DDX11: variants seen among roughly 807,000 people sequenced by gnomAD.
DDX11 encodes the protein DEAD/H-box helicase 11, also known as ATP-dependent DNA helicase DDX11.
A neutral mutation model predicts 125.2 loss-of-function variants in DDX11; 72 were observed. The observed-to-expected ratio is 0.58, with a 90% CI of 0.48 to 0.70. The LOEUF is 0.70. Ranked by LOEUF, DDX11 falls within the 30% of genes least tolerant of loss-of-function variation. The pLI is 0.00. For missense variants in DDX11, 883 were observed against 1,165.0 expected (o/e 0.76, Z 3.52); for synonymous variants, 347 against 452.6 (o/e 0.77, Z 2.96).
At chr12:31,101,172 G>A (rs767463451) in intron 20 of DDX11, 42 bp downstream of exon 20, 1 of 1,580,672 alleles carries the variant, frequency 6.3e-7, no homozygotes, top group South Asian at 1.1e-5. Context: ...CTGGCCTCAG[G>A]CAGCAAAGGG....
chr12:31,092,271 T>C (rs1228547837), intron 10 of DDX11, among the ~76,000 whole-genome samples: 1 of 152,050 alleles, frequency 6.6e-6, no homozygotes, highest in Non-Finnish European at 1.5e-5. Context: ...TGCCCTATCA[T>C]GCGCCATGCA....
rs779448518 is a variant in DDX11 at position 31,089,267 on chromosome 12, G to A, written c.792+116G>A. 3 of 1,351,858 alleles carry A rather than the reference G, an allele frequency of 2.2e-6. No homozygotes were observed. In the East Asian group the frequency reaches 7.1e-5, roughly 32 times the overall value. 83.7% of individuals were successfully genotyped at this position (1,351,858 alleles called of 1,614,324 possible). A position where few individuals can be genotyped will look rare whatever the true frequency, so the allele number is the denominator to read the frequency against. On this transcript the variant is annotated intron_variant, in intron 7 of 26. Coordinates refer to ENST00000542838, the MANE Select transcript of DDX11 (RefSeq NM_030653.4). ...TCTGTGACAGGCTGAACCGTGTGAGGAGCAGCCCCCTCCCTGACCTGGCCG... is the reference window on the plus strand; with the variant it reads ...TCTGTGACAGGCTGAACCGTGTGAGAAGCAGCCCCCTCCCTGACCTGGCCG...
chr12:31,098,301 G>A (rs1945684872), intron 18 of DDX11, among the ~76,000 whole-genome samples: 1 of 152,234 alleles, frequency 6.6e-6, no homozygotes, highest in Non-Finnish European at 1.5e-5. Context: ...ACTTTTAAAA[G>A]GTTCATTTTG....
In DDX11 at chr12:31,089,133, C is replaced by T; in HGVS notation, c.774C>T (p.Val258=). ...CCTTTGGCAAGGATGTTCGGCTGGT[C>T]TCCCTTGGCTCCCGGCAGGTAAACA... ...KSPFGKDVRL[V]SLGSRQNLCV... is the part of the protein sequence containing the mutation. Residue 258 remains valine (V), a synonymous_variant, in exon 7 of 27, where the codon GTC becomes GTT. Coordinates refer to ENST00000542838, the MANE Select transcript of DDX11 (RefSeq NM_030653.4). 1 of 1,613,890 alleles carries T rather than the reference C, an allele frequency of 6.2e-7. No individual in the cohort carries two copies. Among genetic ancestry groups the T allele is most frequent in the Non-Finnish European group, 8.5e-7 (1 of 1,179,784 alleles).
At chr12:31,088,321 T>C (rs1237610287) in intron 6 of DDX11, among the ~76,000 whole-genome samples, 1 of 151,944 alleles carries the variant, frequency 6.6e-6, no homozygotes, top group African/African-American at 2.4e-5. Context: ...AGACCTCTCC[T>C]GGGGGCAGGG....
chr12:31,082,456 C>T (rs902951141), intron 2 of DDX11, among the ~76,000 whole-genome samples: 1 of 151,884 alleles, frequency 6.6e-6, no homozygotes, highest in Non-Finnish European at 1.5e-5. Context: ...AGCTGGAACC[C>T]TGGCACCTGG....
intron 2 of DDX11, among the ~76,000 whole-genome samples, chr12:31,079,630 T>G (rs1252909707): frequency 6.7e-6 from 1 of 149,848 alleles, no homozygotes; most frequent in Non-Finnish European, 1.5e-5. Context: ...TGTAGTAGAG[T>G]CACATGGCGG....
intron 16 of DDX11, 21 bp from the exon 17 acceptor site, chr12:31,096,838 T>G: frequency 6.2e-7 from 1 of 1,614,110 alleles, no homozygotes. Context: ...GGAGGCCTCC[T>G]CCCCGTTCTG....
intron 2 of DDX11, among the ~76,000 whole-genome samples, chr12:31,083,320 A>AAC (rs1565854249): frequency 4.1e-5 from 6 of 147,098 alleles, no homozygotes; most frequent in African/African-American, 1.2e-4. Flanking sequence ...CTTAAAAAAA[A>AAC]AAAAACAAAA....
Position 31,103,736 on chromosome 12 carries a change from G to A in DDX11, c.2691+5G>A, listed in dbSNP as rs761131784. 1 of 1,613,708 alleles carries A rather than the reference G, an allele frequency of 6.2e-7. No individual in the cohort carries two copies. Among genetic ancestry groups the A allele is most frequent in the South Asian group, 1.1e-5 (1 of 91,056 alleles). ...GCCATTGCTGCTGTGCAGAAGGTCA[G>A]TCCTACCTTTTTCTTTCTGAGAGCC... On this transcript the variant is annotated splice_donor_5th_base_variant and intron_variant, in intron 26 of 26. Coordinates refer to ENST00000542838, the MANE Select transcript of DDX11 (RefSeq NM_030653.4).
chr12:31,084,762 C>G, intron 4 of DDX11, 93 bp downstream of exon 4: 1 of 1,253,796 alleles, frequency 8.0e-7, no homozygotes, highest in South Asian at 1.3e-5. Flanking sequence ...TTGGTCTCCC[C>G]TCCGTGACCC....
rs1287526015 is a variant in DDX11, at chr12:31,101,400, C to G, written c.2052+270C>G. ...TGAGGACGCCTCACACAGGAGAAAG[C>G]TGCTAGTTCCCTTTGGCTCTCTTGC... On this transcript the variant is annotated intron_variant, in intron 20 of 26. Coordinates refer to ENST00000542838, the MANE Select transcript of DDX11 (RefSeq NM_030653.4). 36 of 552,716 alleles carry G rather than the reference C, an allele frequency of 6.5e-5. No individual in the cohort carries two copies. In the East Asian group the frequency reaches 9.4e-4, roughly 14 times the overall value. 34.2% of individuals were successfully genotyped at this position (552,716 alleles called of 1,614,324 possible).
At chr12:31,090,163 TC>T in intron 9 of DDX11, 69 bp downstream of exon 9, 1 of 1,442,570 alleles carries the variant, frequency 6.9e-7, no homozygotes, top group South Asian at 1.2e-5. Context: ...AGGGGGGTCC[TC>T]ATCACACTGT....
chr12:31,097,998 G>A lies in DDX11; in HGVS notation c.1875+1G>A, dbSNP rs763625229. On this transcript the variant is annotated splice_donor_variant, in intron 18 of 26. Transcript: ENST00000542838. LOFTEE classifies it high-confidence loss of function. ...CATTGCGGGGGGTACCATGCAGCCG[G>A]TAAGGACACCTTTCCCAGCCCCTCG... 6.2e-7 allele frequency: 1 copy of A among 1,612,774 alleles called. No individual in the cohort carries two copies. Among genetic ancestry groups the A allele is most frequent in the South Asian group, 1.1e-5 (1 of 91,072 alleles).
In DDX11 at chr12:31,103,905, G is replaced by T. The variant is rs563857266; in HGVS notation, c.*69G>T. 6.2e-7 allele frequency: 1 copy of T among 1,613,804 alleles called. No homozygotes were observed. The highest frequency in any genetic ancestry group is 2.2e-5 in the East Asian group (1 of 44,884). ...CTGCCCGCTGGAGACAGTGTTTGTC[G>T]TGGGCGTGGTCTGCGGGGATCCTGT... On this transcript the variant is annotated 3_prime_UTR_variant, in exon 27 of 27. Coordinates refer to ENST00000542838, the MANE Select transcript of DDX11 (RefSeq NM_030653.4).
At position 31,104,281 on chromosome 12, in the gene DDX11, G is replaced by T; in HGVS notation, c.*445G>T. 2 of 589,830 alleles carry T rather than the reference G, an allele frequency of 3.4e-6. No homozygotes were observed. The highest frequency in any genetic ancestry group is 5.6e-6 in the Non-Finnish European group (2 of 357,976). The allele number at this position is 589,830 out of a possible 1,614,324, so 36.5% of individuals were successfully genotyped here. ...AGCTGCCCTGGACTGCTCACTCTCT[G>T]GTCTCAATTTAAAATGATCCATGGC... On this transcript the variant is annotated 3_prime_UTR_variant, in exon 27 of 27. Coordinates refer to ENST00000542838, the MANE Select transcript of DDX11 (RefSeq NM_030653.4).
intron 1 of DDX11, chr12:31,077,144 A>G (rs1049600432): frequency 6.6e-6 from 1 of 151,264 alleles, no homozygotes; most frequent in Non-Finnish European, 1.5e-5. Context: ...ATTTGTGCTT[A>G]GAAGAGACAG....
intron 5 of DDX11, among the ~76,000 whole-genome samples, chr12:31,086,981 A>G (rs1943276315): frequency 7.7e-6 from 1 of 130,718 alleles, no homozygotes; most frequent in East Asian, 2.4e-4. Flanking sequence ...CTGTTTTGTT[A>G]GAAAGGAATT....
intron 7 of DDX11, 61 bp downstream of exon 7, chr12:31,089,212 C>G: frequency 6.6e-7 from 1 of 1,513,700 alleles, no homozygotes; most frequent in Non-Finnish European, 9.2e-7. Context: ...CAACTTTGTC[C>G]TGCTCGTCCA....
Sources: allele counts gnomAD v4.1 joint callset (sites outside exome capture counted in the v4.1 genomes callset), GRCh38; gene constraint gnomAD v4.1.1; transcripts MANE v1.5; gene names NCBI Gene and HGNC (gene_info 2026-07-23, HGNC 2026-07-21).